Variants in MAP3K7CL observed in about 807,000 individuals in gnomAD.
MAP3K7CL encodes the protein MAP3K7 C-terminal-like protein.
Under a neutral mutation model 18.6 loss-of-function variants are expected in MAP3K7CL, and 16 were observed. That is an observed-to-expected ratio of 0.86 (90% CI 0.58 to 1.31). The LOEUF (loss-of-function observed/expected upper bound fraction) is 1.31, where lower values mean the gene tolerates loss of function less well. Among genes scored for constraint, MAP3K7CL ranks in the 50% most tolerant of loss-of-function variants. MAP3K7CL has a pLI of 0.00. For synonymous variants in MAP3K7CL, 65 were observed against 66.8 expected, an observed-to-expected ratio of 0.97 and a Z score of 0.13; for missense variants, 163 against 174.4, an observed-to-expected ratio of 0.93 and a Z score of 0.37.
intron 4 of MAP3K7CL, chr21:29,102,532 G>C (rs2086251688): frequency 7.1e-6 from 1 of 140,220 alleles, no homozygotes; most frequent in African/African-American, 2.7e-5. Flanking sequence ...GCCCAGGCTG[G>C]TCTGGAACTC....
intron 2 of MAP3K7CL, among the ~76,000 whole-genome samples, chr21:29,134,013 A>G (rs2086831382): frequency 6.6e-6 from 1 of 152,178 alleles, no homozygotes. Flanking sequence ...GAATTGCACC[A>G]CTTTTGAACA....
At chr21:29,129,359 T>A (rs759950637), upstream of MAP3K7CL, among the ~76,000 whole-genome samples, 2 of 152,240 alleles carry the variant, frequency 1.3e-5, no homozygotes, top group African/African-American at 2.4e-5. Flanking sequence ...TCTTCCTGAA[T>A]CCCTGGCAAC....
Position 29,092,568 on chromosome 21 carries a change from C to T in MAP3K7CL, c.357C>T (p.Pro119=), listed in dbSNP as rs1172155115. 3 of 1,613,996 alleles carry T rather than the reference C, an allele frequency of 1.9e-6. No homozygotes were observed. In the African/African-American group the frequency reaches 4.0e-5, roughly 22 times the overall value. The change falls in exon 4 of 7, where the codon CCC becomes CCT. Residue 119 remains proline (P), a synonymous_variant. Transcript: ENST00000286791. ...CTATTACTGTGCCCGTGGAAATCCC[C>T]AGCTCCCCTCTGGGTGAGTATTCCG...
At chr21:29,083,025 G>A (rs1036881737), upstream of MAP3K7CL, among the ~76,000 whole-genome samples, 4 of 151,586 alleles carry the variant, frequency 2.6e-5, no homozygotes, top group African/African-American at 4.9e-5. Flanking sequence ...ATCATTCTTC[G>A]TGTCACAGAG....
upstream of MAP3K7CL, among the ~76,000 whole-genome samples, chr21:29,128,541 A>G (rs1568951028): frequency 6.6e-6 from 1 of 152,128 alleles, no homozygotes; most frequent in Non-Finnish European, 1.5e-5. Context: ...TGACCTCATG[A>G]TCTGCCTGCC....
Position 29,174,969 on chromosome 21 carries a change from T to TAGTG in MAP3K7CL, c.*81_*84dup. On this transcript the variant is annotated 3_prime_UTR_variant, in exon 5 of 5. Coordinates refer to ENST00000399928, the MANE Select transcript of MAP3K7CL (RefSeq NM_001286620.2). ...CCAAAAGATTTTTATTTTAAATGAA[T>TAGTG]AGTGAGTCAGATCTATTGCTTCTCT... is the stretch of plus-strand genomic sequence containing the variant. 8 of 1,382,424 alleles carry TAGTG rather than the reference T, an allele frequency of 5.8e-6. No homozygotes were observed. In the South Asian group the frequency reaches 9.8e-5, roughly 17 times the overall value. The allele number at this position is 1,382,424 out of a possible 1,614,324, so 85.6% of individuals were successfully genotyped here. A position where few individuals can be genotyped will look rare whatever the true frequency, so the allele number is the denominator to read the frequency against.
In MAP3K7CL at chr21:29,174,796, G is replaced by A. The variant is rs370449217; in HGVS notation, c.333G>A (p.Thr111=). The change falls in exon 5 of 5, where the codon ACG becomes ACA. Residue 111 remains threonine (T), a synonymous_variant. Transcript: ENST00000399928. ...TGGTTCGGGAATTCGAGGCTCTGAC[G>A]GAGGAGAATCGGACGTTGAGGTTGG... ...AELVREFEAL[T]EENRTLRLAQ... is the part of the protein sequence containing the mutation. 52 of 1,614,146 alleles carry A rather than the reference G, an allele frequency of 3.2e-5. No individual in the cohort carries two copies. The African/African-American group carries it at 3.5e-4, about 11-fold the overall frequency.
chr21:29,093,465 G>GT (rs1262292402), intron 4 of MAP3K7CL, among the ~76,000 whole-genome samples: 1 of 151,868 alleles, frequency 6.6e-6, no homozygotes, highest in Non-Finnish European at 1.5e-5. Context: ...AAAGACCTAG[G>GT]TTTTTTTGTT....
At chr21:29,144,541 C>T (rs1004953480) in intron 2 of MAP3K7CL, among the ~76,000 whole-genome samples, 3 of 152,088 alleles carry the variant, frequency 2.0e-5, no homozygotes, top group African/African-American at 4.8e-5. Flanking sequence ...TGAAGAAGAG[C>T]GGAGTGGTAT....
At chr21:29,112,049 C>T (rs1463517836) in intron 4 of MAP3K7CL, among the ~76,000 whole-genome samples, 1 of 152,142 alleles carries the variant, frequency 6.6e-6, no homozygotes, top group Non-Finnish European at 1.5e-5. Context: ...GTAATCCCAG[C>T]ACTTTGGGAG....
intron 4 of MAP3K7CL, among the ~76,000 whole-genome samples, chr21:29,120,779 GA>G (rs1490703368): frequency 2.7e-5 from 4 of 148,086 alleles, no homozygotes; most frequent in African/African-American, 1.0e-4. Flanking sequence ...TCAATTTGAG[GA>G]ATAGGCTGGG....
At chr21:29,092,541 G>A (rs1040856776) in exon 4 of MAP3K7CL, 2 of 1,614,100 alleles carry the variant, frequency 1.2e-6, no homozygotes, top group Non-Finnish European at 1.7e-6. Context: ...TGAAGCCAAA[G>A]TCTATTACTG....
intron 1 of MAP3K7CL, among the ~76,000 whole-genome samples, chr21:29,079,199 T>C (rs936733103): frequency 2.0e-5 from 3 of 152,094 alleles, no homozygotes; most frequent in Middle Eastern, 3.4e-3. Context: ...GATCAGGAGG[T>C]GAAAGGAAGA....
At position 29,165,310 on chromosome 21, in the gene MAP3K7CL, A is replaced by G. The variant is rs180707304; in HGVS notation, c.248+5254A>G. Among the ~76,000 whole-genome samples the G allele has an allele frequency of 9.2e-4, 140 of 152,242 alleles. 1 individual carries two copies. Among genetic ancestry groups the G allele is most frequent in the African/African-American group, 3.2e-3 (131 of 41,550 alleles). ...ACTCTTAGAAAAGTCAGATTGAAGA[A>G]TGTTTTATTTATTCATTTTAATTTT... On this transcript the variant is annotated intron_variant, in intron 4 of 4. Transcript: ENST00000399928.
intron 2 of MAP3K7CL, among the ~76,000 whole-genome samples, chr21:29,139,756 T>C (rs1348495514): frequency 6.6e-6 from 1 of 152,138 alleles, no homozygotes; most frequent in Non-Finnish European, 1.5e-5. Flanking sequence ...AGCTAATTTT[T>C]GTATTTTTAG....
chr21:29,139,208 T>C (rs906095687), intron 2 of MAP3K7CL: 1 of 152,212 alleles, frequency 6.6e-6, no homozygotes, highest in Non-Finnish European at 1.5e-5. Flanking sequence ...TGAGATCTTT[T>C]TGTGTGTACT....
Position 29,130,785 on chromosome 21 carries a change from C to G in MAP3K7CL, c.-178C>G, listed in dbSNP as rs1428775940. 1.0e-5 allele frequency: 10 copies of G among 985,396 alleles called. No homozygotes were observed. Among genetic ancestry groups the G allele is most frequent in the Non-Finnish European group, 1.1e-5 (9 of 830,012 alleles). The allele number at this position is 985,396 out of a possible 1,614,324, so 61.0% of individuals were successfully genotyped here. ...AGCGTGCTGCCCTGACAGCTGTCTC[C>G]GCTCCTCAGATTGTCAGTGGCTGCT... On this transcript the variant is annotated 5_prime_UTR_variant, in exon 1 of 5. Transcript: ENST00000399928.
chr21:29,156,250 G>A (rs567603628), intron 3 of MAP3K7CL, among the ~76,000 whole-genome samples: 6 of 152,188 alleles, frequency 3.9e-5, no homozygotes, highest in Non-Finnish European at 8.8e-5. Context: ...AAATCTCTCT[G>A]ACAAGAATAG....
chr21:29,089,612 T>C (rs189716849), intron 1 of MAP3K7CL, among the ~76,000 whole-genome samples: 24 of 152,340 alleles, frequency 1.6e-4, no homozygotes, highest in African/African-American at 5.8e-4. Context: ...CCTTATTATT[T>C]CTTTACTTTG....
Sources: allele counts gnomAD v4.1 joint callset (sites outside exome capture counted in the v4.1 genomes callset), GRCh38; gene constraint gnomAD v4.1.1; transcripts MANE v1.5; gene names NCBI Gene and HGNC (gene_info 2026-07-23, HGNC 2026-07-21).